ABLIM2: variants seen among roughly 807,000 people sequenced by gnomAD.
ABLIM2 encodes actin binding LIM protein family member 2.
A neutral mutation model predicts 97.7 loss-of-function variants in ABLIM2; 53 were observed. The observed-to-expected ratio is 0.54, with a 90% CI of 0.44 to 0.68. The LOEUF is 0.68. Ranked by LOEUF, ABLIM2 falls within the 30% of genes least tolerant of loss-of-function variation. The pLI, the probability that ABLIM2 is intolerant of heterozygous loss-of-function variation, is 0.00. For synonymous variants in ABLIM2, 361 were observed against 345.8 expected (o/e 1.04, Z -0.49); for missense variants, 835 against 867.2 (o/e 0.96, Z 0.47).
Position 8,114,738 on chromosome 4 carries a change from C to G in ABLIM2, c.11-8101G>C, listed in dbSNP as rs1481540337. On this transcript the variant is annotated intron_variant, in intron 1 of 20. Transcript: ENST00000447017. ...TTCAATCCCCCATTAAGCAAAGATGCACTGGGCACTCTCTCCTTGCCAAGA... is the reference window on the plus strand; with the variant it reads ...TTCAATCCCCCATTAAGCAAAGATGGACTGGGCACTCTCTCCTTGCCAAGA... Among the ~76,000 whole-genome samples the G allele has an allele frequency of 3.9e-5, 6 of 152,310 alleles. No homozygotes were observed. In the South Asian group the frequency reaches 1.2e-3, roughly 32 times the overall value.
intron 18 of ABLIM2, among the ~76,000 whole-genome samples, chr4:7,984,186 G>A (rs994431353): frequency 6.6e-6 from 1 of 152,162 alleles, no homozygotes; most frequent in Admixed American, 6.5e-5. Context: ...GTCGGGAGCC[G>A]GTCCCTGAGT....
chr4:7,973,296 T>G (rs1488449199), intron 20 of ABLIM2, among the ~76,000 whole-genome samples: 1 of 150,400 alleles, frequency 6.6e-6, no homozygotes, highest in Non-Finnish European at 1.5e-5. Context: ...AGATCAGGAG[T>G]TCGTGACCAG....
intron 6 of ABLIM2, among the ~76,000 whole-genome samples, chr4:8,065,334 A>G (rs149179595): frequency 3.3e-5 from 5 of 152,380 alleles, no homozygotes; most frequent in Non-Finnish European, 5.9e-5. Context: ...CAACTGGTAC[A>G]TGAAAAGATG....
At chr4:8,040,732 C>T (rs1008451376) in intron 9 of ABLIM2, among the ~76,000 whole-genome samples, 4 of 152,212 alleles carry the variant, frequency 2.6e-5, no homozygotes, top group Non-Finnish European at 2.9e-5. Flanking sequence ...ACTCATGTGG[C>T]ACCAACCCCA....
chr4:8,085,420 G>A lies in ABLIM2; in HGVS notation c.454+2749C>T, dbSNP rs1822800372. Among the ~76,000 whole-genome samples the A allele has an allele frequency of 1.3e-5, 2 of 152,146 alleles. No individual in the cohort carries two copies. Among genetic ancestry groups the A allele is most frequent in the South Asian group, 2.1e-4 (1 of 4,826 alleles). On this transcript the variant is annotated intron_variant, in intron 4 of 20. Transcript: ENST00000447017. This position sits in a 1 kb window ranked among gnomAD's most constrained non-coding sequence, Gnocchi z 6.1. Reference sequence around the variant, plus strand: ...GAGGAAGCTGCCATCTGGTGTTGGTGTCTCAGTGCCATTCCCATTCCCCGC... The same window carrying A: ...GAGGAAGCTGCCATCTGGTGTTGGTATCTCAGTGCCATTCCCATTCCCCGC...
intron 11 of ABLIM2, 82 bp from the exon 12 acceptor site, chr4:8,027,939 T>A: frequency 2.0e-6 from 2 of 1,004,704 alleles, no homozygotes; most frequent in African/African-American, 1.7e-5. Context: ...CCCACTCTGC[T>A]ACGAACACTG....
At chr4:8,073,578 G>C (rs578254726) in intron 6 of ABLIM2, among the ~76,000 whole-genome samples, 1 of 152,144 alleles carries the variant, frequency 6.6e-6, no homozygotes, top group South Asian at 2.1e-4. Context: ...CCCAGGAGAA[G>C]GGGAGAGAGG....
intron 1 of ABLIM2, among the ~76,000 whole-genome samples, chr4:8,114,966 C>G (rs901702433): frequency 6.6e-6 from 1 of 152,158 alleles, no homozygotes; most frequent in South Asian, 2.1e-4. Flanking sequence ...GGAACGCCCA[C>G]CAGGAGACGA....
At chr4:8,136,566 C>T (rs1578461186) in intron 1 of ABLIM2, among the ~76,000 whole-genome samples, 1 of 152,240 alleles carries the variant, frequency 6.6e-6, no homozygotes, top group African/African-American at 2.4e-5. Flanking sequence ...TCGCCTTCTG[C>T]ACCCCACGTG....
rs369803968 is a variant in ABLIM2, at chr4:8,032,614, G to A, written c.1048-2838C>T. 58 of 1,612,124 alleles carry A rather than the reference G, an allele frequency of 3.6e-5. No homozygotes were observed. In the East Asian group the frequency reaches 1.1e-3, roughly 31 times the overall value. ...TTTATAACCCAGGCAGCAGCGCCACGGCAAGCGGGGACAGGCGAGAGGGTG... is the reference window on the plus strand; with the variant it reads ...TTTATAACCCAGGCAGCAGCGCCACAGCAAGCGGGGACAGGCGAGAGGGTG... On this transcript the variant is annotated intron_variant, in intron 10 of 20. Coordinates refer to ENST00000447017, the MANE Select transcript of ABLIM2 (RefSeq NM_001130083.2). The surrounding 1 kb of genome is among the most constrained non-coding windows in gnomAD (Gnocchi z 4.3).
chr4:8,057,572 G>A (rs1393523662), intron 7 of ABLIM2, among the ~76,000 whole-genome samples: 1 of 152,200 alleles, frequency 6.6e-6, no homozygotes. Context: ...TAAGAGGCCT[G>A]TGTCCTTGAC....
intron 20 of ABLIM2, among the ~76,000 whole-genome samples, chr4:7,973,218 G>A (rs1189167236): frequency 6.6e-6 from 1 of 151,998 alleles, no homozygotes; most frequent in Non-Finnish European, 1.5e-5. Context: ...GCATAAGAAA[G>A]CTGAGGTGTC....
At chr4:8,091,615 AATTT>A (rs1828373185) in intron 3 of ABLIM2, among the ~76,000 whole-genome samples, 3 of 39,940 alleles carry the variant, frequency 7.5e-5, no homozygotes, top group African/African-American at 5.9e-4. Flanking sequence ...TATTATGTAT[AATTT>A]TATATAAAAT....
At chr4:7,980,591 T>C (rs1033287659) in intron 20 of ABLIM2, among the ~76,000 whole-genome samples, 2 of 151,880 alleles carry the variant, frequency 1.3e-5, no homozygotes, top group African/African-American at 2.4e-5. Context: ...GGTGGGTGCC[T>C]GTAGTCCCAG....
intron 16 of ABLIM2, among the ~76,000 whole-genome samples, chr4:8,000,705 C>A (rs780271170): frequency 3.9e-5 from 6 of 152,222 alleles, no homozygotes; most frequent in Non-Finnish European, 5.9e-5. Flanking sequence ...AGGGAGCTGT[C>A]CCCGGAGGCT....
Position 8,060,835 on chromosome 4 carries a change from C to A in ABLIM2, c.763+132G>T, listed in dbSNP as rs1011206471. 29 of 747,968 alleles carry A rather than the reference C, an allele frequency of 3.9e-5. 1 individual carries two copies. Among genetic ancestry groups the A allele is most frequent in the Admixed American group, 1.4e-4 (6 of 44,216 alleles). The allele number at this position is 747,968 out of a possible 1,614,324, so 46.3% of individuals were successfully genotyped here. Reference sequence around the variant, plus strand: ...CCACCGCCCTGCCCTGCCGGCTCCCCGCTGTGGCTGGGCTGCTCGTGACCT... The same window carrying A: ...CCACCGCCCTGCCCTGCCGGCTCCCAGCTGTGGCTGGGCTGCTCGTGACCT... On this transcript the variant is annotated intron_variant, in intron 7 of 20. Coordinates refer to ENST00000447017, the MANE Select transcript of ABLIM2 (RefSeq NM_001130083.2).
chr4:7,983,685 C>CGAGCA (rs1740889992), intron 18 of ABLIM2, 131 bp from the exon 19 acceptor site: 1 of 1,137,506 alleles, frequency 8.8e-7, no homozygotes, highest in African/African-American at 1.5e-5. Context: ...GCATGGTCCC[C>CGAGCA]GAGCAGCCTG....
intron 6 of ABLIM2, 65 bp downstream of exon 6, chr4:8,077,563 C>G: frequency 2.1e-6 from 3 of 1,422,248 alleles, no homozygotes; most frequent in Non-Finnish European, 2.9e-6. Flanking sequence ...ATCTCCCAGT[C>G]AACTCCCAGG....
In ABLIM2 at chr4:8,130,032, C is replaced by T. The variant is rs955937195; in HGVS notation, c.11-23395G>A. ...GCGGGCTCCCAGCACTCAGCACTGC[C>T]TGGGGTTCCCACGGAGAAGGAGCCT... is the stretch of plus-strand genomic sequence containing the variant. On this transcript the variant is annotated intron_variant, in intron 1 of 20. Transcript: ENST00000447017. This position sits in a 1 kb window ranked among gnomAD's most constrained non-coding sequence, Gnocchi z 4.2. Among the ~76,000 whole-genome samples, 32 of 152,254 alleles carry T rather than the reference C, an allele frequency of 2.1e-4. No individual in the cohort carries two copies. The highest frequency in any genetic ancestry group is 7.2e-4 in the African/African-American group (30 of 41,474).
Sources: allele counts gnomAD v4.1 joint callset (sites outside exome capture counted in the v4.1 genomes callset), GRCh38; gene constraint gnomAD v4.1.1; non-coding constraint Gnocchi (gnomAD v3.1); transcripts MANE v1.5; gene names NCBI Gene and HGNC (gene_info 2026-07-23, HGNC 2026-07-21).